PCDHGB6: variants seen among roughly 807,000 people sequenced by gnomAD.
PCDHGB6 encodes protocadherin gamma-B6.
A neutral mutation model predicts 59.1 loss-of-function variants in PCDHGB6; 51 were observed. That is an observed-to-expected ratio of 0.86 (90% CI 0.69 to 1.09). PCDHGB6 has a LOEUF of 1.09. Ranked by LOEUF, PCDHGB6 falls within the 50% of genes least tolerant of loss-of-function variation. The probability of loss-of-function intolerance (pLI) is 0.00; values close to 1 mark genes in which losing one functional copy is unlikely to be tolerated. For missense variants in PCDHGB6, 1,148 were observed against 1,205.1 expected (o/e 0.95, Z 0.70); for synonymous variants, 466 against 495.1 (o/e 0.94, Z 0.78).
chr5:141,430,365 G>GA lies in PCDHGB6; in HGVS notation c.2418+19753dup, dbSNP rs202146484. Among the ~76,000 whole-genome samples, 583 of 147,736 alleles carry GA rather than the reference G, an allele frequency of 3.9e-3. 6 individuals are homozygous for GA. The highest frequency in any genetic ancestry group is 0.011 in the Admixed American group (169 of 14,894). On this transcript the variant is annotated intron_variant, in intron 1 of 3. Coordinates refer to ENST00000520790, the MANE Select transcript of PCDHGB6 (RefSeq NM_018926.3). ...CCAATTCATTTAAAAGCTCATTGGG[G>GA]AAAAAAAAGCTCATTGGGAAAAAAA...
chr5:141,428,043 A>G, intron 1 of PCDHGB6: 1 of 1,608,722 alleles, frequency 6.2e-7, no homozygotes, highest in Non-Finnish European at 8.5e-7. Flanking sequence ...CTACCTGGTG[A>G]CCAAGGTGGT....
At chr5:141,498,971 G>GGGAGGGAAGGAAGGAA (rs2099787588) in intron 2 of PCDHGB6, among the ~76,000 whole-genome samples, 1 of 110,970 alleles carries the variant, frequency 9.0e-6, no homozygotes, top group African/African-American at 3.6e-5. Flanking sequence ...GAGGGAGGGA[G>GGGAGGGAAGGAAGGAA]GGAAGGAAGG....
rs1488305057 is a variant in PCDHGB6, at chr5:141,477,736, C to G, written c.2419-17071C>G. 6.2e-7 allele frequency: 1 copy of G among 1,613,790 alleles called. No homozygotes were observed. The highest frequency in any genetic ancestry group is 1.1e-5 in the South Asian group (1 of 91,088). On this transcript the variant is annotated intron_variant, in intron 1 of 3. Coordinates refer to ENST00000520790, the MANE Select transcript of PCDHGB6 (RefSeq NM_018926.3). This position sits in a 1 kb window ranked among gnomAD's most constrained non-coding sequence, Gnocchi z 4.9. ...AATTTGAATTAACAGCTCATATCAG[C>G]GATGGGGGCACCCCGGTCCTAGCCA...
At chr5:141,464,300 A>T (rs1349155102) in intron 1 of PCDHGB6, among the ~76,000 whole-genome samples, 2 of 149,898 alleles carry the variant, frequency 1.3e-5, no homozygotes, top group African/African-American at 4.9e-5. Flanking sequence ...ACTCCATTGT[A>T]TGTGCACATA....
Position 141,432,726 on chromosome 5 carries a change from C to T in PCDHGB6, c.2418+22106C>T, listed in dbSNP as rs777248611. The T allele has an allele frequency of 3.1e-6, 5 of 1,614,092 alleles. No homozygotes were observed. Among genetic ancestry groups the T allele is most frequent in the Non-Finnish European group, 3.4e-6 (4 of 1,179,998 alleles). On this transcript the variant is annotated intron_variant, in intron 1 of 3. Coordinates refer to ENST00000520790, the MANE Select transcript of PCDHGB6 (RefSeq NM_018926.3). This position sits in a 1 kb window ranked among gnomAD's most constrained non-coding sequence, Gnocchi z 6.0. ...GACCACGGCCAGCCCCCTCTCTCCG[C>T]CACTGTCACGCTCACCGTGGCCGTG...
At chr5:141,418,347 G>A in intron 1 of PCDHGB6, 1 of 1,614,024 alleles carries the variant, frequency 6.2e-7, no homozygotes, top group Non-Finnish European at 8.5e-7. Flanking sequence ...CCTGATATTA[G>A]TATGAATTCG....
chr5:141,421,477 A>G (rs755936665), intron 1 of PCDHGB6: 23 of 1,614,022 alleles, frequency 1.4e-5, no homozygotes, highest in Non-Finnish European at 1.7e-6. Context: ...GCGAAGCGGC[A>G]GCTTGATCAC....
rs201424832 is a variant in PCDHGB6 at position 141,490,802 on chromosome 5, C to T, written c.2419-4005C>T. On this transcript the variant is annotated intron_variant, in intron 1 of 3. Transcript: ENST00000520790. This position sits in a 1 kb window ranked among gnomAD's most constrained non-coding sequence, Gnocchi z 5.4. Reference sequence around the variant, plus strand: ...GATGGACGGATCTTTGCCCAGCGTACCTTTGACTATGAATTGCTGCAGATG... The same window carrying T: ...GATGGACGGATCTTTGCCCAGCGTATCTTTGACTATGAATTGCTGCAGATG... 1 of 1,613,944 alleles carries T rather than the reference C, an allele frequency of 6.2e-7. No homozygotes were observed. Among genetic ancestry groups the T allele is most frequent in the East Asian group, 2.2e-5 (1 of 44,886 alleles).
intron 1 of PCDHGB6, chr5:141,413,776 G>A: frequency 6.2e-7 from 1 of 1,613,188 alleles, no homozygotes; most frequent in Non-Finnish European, 8.5e-7. Context: ...GCTGGTACTG[G>A]AGCACTCCCT....
intron 1 of PCDHGB6, chr5:141,418,463 C>A (rs1046926260): frequency 1.2e-6 from 2 of 1,613,826 alleles, no homozygotes; most frequent in Non-Finnish European, 1.7e-6. Context: ...GACTCTGGAC[C>A]GAGAAACGCA....
At position 141,511,963 on chromosome 5, in the gene PCDHGB6, AGT is replaced by A. The variant is rs1204123000; in HGVS notation, c.*796_*797del. On this transcript the variant is annotated 3_prime_UTR_variant, in exon 4 of 4. Transcript: ENST00000520790. ...ATGGGGTGGTAAGATAAGGAAGGGA[AGT>A]GTGTGGATGTGGATGGTGGGGGCAT... 1 of 153,636 alleles carries A rather than the reference AGT, an allele frequency of 6.5e-6. No individual in the cohort carries two copies. 9.5% of individuals were successfully genotyped at this position (153,636 alleles called of 1,614,324 possible).
intron 2 of PCDHGB6, among the ~76,000 whole-genome samples, chr5:141,501,166 C>T (rs1443045812): frequency 6.6e-6 from 1 of 152,154 alleles, no homozygotes; most frequent in African/African-American, 2.4e-5. Flanking sequence ...CATCCCCAGC[C>T]TCATTTACAT....
Position 141,511,103 on chromosome 5 carries a change from A to G in PCDHGB6, c.2723A>G (p.Lys908Arg), listed in dbSNP as rs779731716. The G allele has an allele frequency of 6.2e-7, 1 of 1,614,214 alleles. No individual in the cohort carries two copies. The highest frequency in any genetic ancestry group is 8.5e-7 in the Non-Finnish European group (1 of 1,180,026). The change falls in exon 4 of 4, where the codon AAG becomes AGG. Residue 908 changes from lysine to arginine, a missense_variant. By Grantham distance (26) the Lys-to-Arg change is conservative. Coordinates refer to ENST00000520790, the MANE Select transcript of PCDHGB6 (RefSeq NM_018926.3). ...SNATLTNAAGKRDGKAPAGGN... is the reference protein window; with the variant it reads ...SNATLTNAAGRRDGKAPAGGN... ...GCCACACTGACCAACGCAGCTGGCA[A>G]GCGGGATGGCAAGGCCCCAGCAGGT...
intron 1 of PCDHGB6, among the ~76,000 whole-genome samples, chr5:141,435,698 A>G (rs954167256): frequency 1.3e-5 from 2 of 152,184 alleles, no homozygotes; most frequent in African/African-American, 4.8e-5. Context: ...CTTATTGTAG[A>G]GTGGTTACAG....
Position 141,491,742 on chromosome 5 carries a change from C to CA in PCDHGB6, c.2419-3064dup. The CA allele has an allele frequency of 3.1e-6, 5 of 1,596,114 alleles. No individual in the cohort carries two copies. Among genetic ancestry groups the CA allele is most frequent in the Non-Finnish European group, 4.3e-6 (5 of 1,172,424 alleles). ...CGCCCCGGGCGACCCCTGGGGGCGG[C>CA]ACTGGAGAAGCCGCCCGTCCTCATA... On this transcript the variant is annotated intron_variant, in intron 1 of 3. Coordinates refer to ENST00000520790, the MANE Select transcript of PCDHGB6 (RefSeq NM_018926.3). This position sits in a 1 kb window ranked among gnomAD's most constrained non-coding sequence, Gnocchi z 6.9.
rs1445450316 is a variant in PCDHGB6, at chr5:141,491,210, C to T, written c.2419-3597C>T. On this transcript the variant is annotated intron_variant, in intron 1 of 3. Coordinates refer to ENST00000520790, the MANE Select transcript of PCDHGB6 (RefSeq NM_018926.3). The surrounding 1 kb of genome is among the most constrained non-coding windows in gnomAD (Gnocchi z 6.9). ...AGGGACAATGGTGACCCTTCACTCT[C>T]CTCCACAGCCACAGTGCTGCTGGTT... The T allele has an allele frequency of 3.7e-6, 6 of 1,614,228 alleles. No homozygotes were observed. Among genetic ancestry groups the T allele is most frequent in the Non-Finnish European group, 3.4e-6 (4 of 1,180,032 alleles).
At position 141,432,319 on chromosome 5, in the gene PCDHGB6, C is replaced by A; in HGVS notation, c.2418+21699C>A. The A allele has an allele frequency of 6.2e-7, 1 of 1,614,264 alleles. No individual in the cohort carries two copies. Among genetic ancestry groups the A allele is most frequent in the South Asian group, 1.1e-5 (1 of 91,088 alleles). ...GGGTACTGTATGCGCTGAGCTCCTTCGACTACGAGCAGTTCCGAGACTTGC... is the reference window on the plus strand; with the variant it reads ...GGGTACTGTATGCGCTGAGCTCCTTAGACTACGAGCAGTTCCGAGACTTGC... On this transcript the variant is annotated intron_variant, in intron 1 of 3. Transcript: ENST00000520790. The surrounding 1 kb of genome is among the most constrained non-coding windows in gnomAD (Gnocchi z 6.0).
In PCDHGB6 at chr5:141,476,529, A is replaced by G. The variant is rs752442904; in HGVS notation, c.2419-18278A>G. On this transcript the variant is annotated intron_variant, in intron 1 of 3. Coordinates refer to ENST00000520790, the MANE Select transcript of PCDHGB6 (RefSeq NM_018926.3). The surrounding 1 kb of genome is among the most constrained non-coding windows in gnomAD (Gnocchi z 7.6). ...GACAACAATCCTGCTTTCCCTACCCAGGAAATGAAATTGGAGATTAGCGAG... is the reference window on the plus strand; with the variant it reads ...GACAACAATCCTGCTTTCCCTACCCGGGAAATGAAATTGGAGATTAGCGAG... 2.8e-5 allele frequency: 46 copies of G among 1,614,198 alleles called. No individual in the cohort carries two copies. Among genetic ancestry groups the G allele is most frequent in the Non-Finnish European group, 3.8e-5 (45 of 1,180,044 alleles).
chr5:141,491,938 C>A lies in PCDHGB6; in HGVS notation c.2419-2869C>A, dbSNP rs1207647899. Reference sequence around the variant, plus strand: ...TGTGGGCGAGGGGAGGTGGGACCGACCCCCACCCCTACACTCAAAAAAGGC... The same window carrying A: ...TGTGGGCGAGGGGAGGTGGGACCGAACCCCACCCCTACACTCAAAAAAGGC... On this transcript the variant is annotated intron_variant, in intron 1 of 3. Transcript: ENST00000520790. This position sits in a 1 kb window ranked among gnomAD's most constrained non-coding sequence, Gnocchi z 6.9. 1.7e-6 allele frequency: 2 copies of A among 1,199,072 alleles called. No homozygotes were observed. The highest frequency in any genetic ancestry group is 3.1e-5 in the Admixed American group (1 of 32,246). The allele number at this position is 1,199,072 out of a possible 1,614,324, so 74.3% of individuals were successfully genotyped here. A position where few individuals can be genotyped will look rare whatever the true frequency, so the allele number is the denominator to read the frequency against.
Sources: gnomAD v4.1 joint callset for allele counts (sites outside exome capture counted in the v4.1 genomes callset) on GRCh38, gnomAD v4.1.1 for gene constraint, Gnocchi (gnomAD v3.1) non-coding constraint, MANE v1.5 for transcripts, NCBI Gene and HGNC (gene_info 2026-07-23, HGNC 2026-07-21) for gene names.